Variants in MIER1 observed in about 807,000 individuals in gnomAD.
MIER1 encodes the protein MIER1 transcriptional regulator.
MIER1 carries 40 observed loss-of-function variants against 75.7 expected under a neutral mutation model. That is an observed-to-expected ratio of 0.53 (90% CI 0.41 to 0.69). The LOEUF is 0.69. Ranked by LOEUF, MIER1 falls within the 30% of genes least tolerant of loss-of-function variation. MIER1 has a pLI of 0.00. For synonymous variants in MIER1, 213 were observed against 223.4 expected (o/e 0.95, Z 0.42); for missense variants, 574 against 680.2 (o/e 0.84, Z 1.74).
chr1:66,980,502 C>T (rs566586492), intron 12 of MIER1, among the ~76,000 whole-genome samples: 1 of 152,232 alleles, frequency 6.6e-6, no homozygotes, highest in South Asian at 2.1e-4. Context: ...CAGTGATGAC[C>T]ATATAGGTTG....
chr1:66,959,375 A>C (rs184830447), intron 6 of MIER1, among the ~76,000 whole-genome samples: 1 of 152,322 alleles, frequency 6.6e-6, no homozygotes, highest in African/African-American at 2.4e-5. Flanking sequence ...AAACACTTGA[A>C]GAAAAATAAA....
intron 8 of MIER1, among the ~76,000 whole-genome samples, chr1:66,964,448 C>CTTTTTTTTTTTTTTTTTTTTTTTT (rs71058483): frequency 1.7e-5 from 2 of 119,800 alleles, no homozygotes; most frequent in African/African-American, 6.4e-5. Context: ...TGTATGTTTC[C>CTTTTTTTTTTTTTTTTTTTTTTTT]TTTTTTTTTT....
intron 11 of MIER1, among the ~76,000 whole-genome samples, chr1:66,975,347 CA>C (rs1664490104): frequency 6.6e-6 from 1 of 151,664 alleles, no homozygotes; most frequent in Non-Finnish European, 1.5e-5. Flanking sequence ...GGCAACATGG[CA>C]AAACCCCATC....
At chr1:66,938,759 T>C (rs1376835810) in intron 2 of MIER1, among the ~76,000 whole-genome samples, 1 of 152,086 alleles carries the variant, frequency 6.6e-6, no homozygotes, top group Non-Finnish European at 1.5e-5. Flanking sequence ...ATTGGAAATA[T>C]GCAATACTGG....
chr1:66,967,795 A>G (rs1200986541), intron 8 of MIER1, among the ~76,000 whole-genome samples: 1 of 152,048 alleles, frequency 6.6e-6, no homozygotes, highest in Non-Finnish European at 1.5e-5. Flanking sequence ...TTTCCTTTTC[A>G]GAATGTTGAC....
chr1:66,972,001 T>C (rs974243850), intron 10 of MIER1, among the ~76,000 whole-genome samples: 8 of 151,282 alleles, frequency 5.3e-5, no homozygotes, highest in Non-Finnish European at 7.4e-5. Context: ...TTTATAAATA[T>C]TTTCTTATTT....
intron 4 of MIER1, among the ~76,000 whole-genome samples, chr1:66,952,597 G>T (rs1210241299): frequency 6.6e-6 from 1 of 152,108 alleles, no homozygotes. Flanking sequence ...AGGGACTCAA[G>T]TGCCACCAGA....
intron 4 of MIER1, among the ~76,000 whole-genome samples, chr1:66,951,973 G>C (rs1659071964): frequency 6.6e-6 from 1 of 152,158 alleles, no homozygotes; most frequent in East Asian, 1.9e-4. Context: ...TGGGACTTAG[G>C]ATAGGTTACT....
At chr1:66,930,202 C>T in intron 2 of MIER1, 2 of 1,367,762 alleles carry the variant, frequency 1.5e-6, no homozygotes, top group Non-Finnish European at 1.9e-6. Context: ...CCAGCCGGGG[C>T]GCCGCGAGGG....
chr1:66,934,323 A>G (rs1333691155), intron 2 of MIER1, among the ~76,000 whole-genome samples: 3 of 152,056 alleles, frequency 2.0e-5, no homozygotes, highest in African/African-American at 7.2e-5. Context: ...AGGTCGTGCA[A>G]TTCATCTATG....
At chr1:66,925,245 C>T in intron 1 of MIER1, 150 bp downstream of exon 1, 2 of 1,354,534 alleles carry the variant, frequency 1.5e-6, no homozygotes, top group South Asian at 3.8e-5. Flanking sequence ...GAGGGGCTGC[C>T]GCAGAACGCG....
At chr1:66,959,026 A>G (rs377050098) in intron 6 of MIER1, 43 bp downstream of exon 6, 7 of 1,525,032 alleles carry the variant, frequency 4.6e-6, no homozygotes, top group African/African-American at 4.2e-5. Flanking sequence ...AATTTTTACT[A>G]TTTTAGGTAT....
At chr1:66,954,376 A>G (rs574813602) in intron 4 of MIER1, among the ~76,000 whole-genome samples, 7 of 152,358 alleles carry the variant, frequency 4.6e-5, no homozygotes, top group African/African-American at 7.2e-5. Flanking sequence ...AGGTAAAAAT[A>G]GTAATCCTGA....
At chr1:66,931,079 T>C (rs1395432009) in intron 2 of MIER1, among the ~76,000 whole-genome samples, 1 of 135,066 alleles carries the variant, frequency 7.4e-6, no homozygotes, top group Non-Finnish European at 1.6e-5. Flanking sequence ...CCTTTCCAAA[T>C]CAAGGCTACC....
At chr1:66,942,505 C>G (rs974131899) in intron 3 of MIER1, among the ~76,000 whole-genome samples, 1 of 152,030 alleles carries the variant, frequency 6.6e-6, no homozygotes, top group African/African-American at 2.4e-5. Context: ...GATTTCATGA[C>G]AAAGCAGTCA....
chr1:66,949,579 T>C (rs1307240464), intron 4 of MIER1, among the ~76,000 whole-genome samples: 1 of 152,212 alleles, frequency 6.6e-6, no homozygotes, highest in African/African-American at 2.4e-5. Context: ...AATTAAAGCT[T>C]TAAGTAGCAT....
chr1:66,960,569 T>G (rs1012267077), intron 7 of MIER1, among the ~76,000 whole-genome samples: 1 of 152,206 alleles, frequency 6.6e-6, no homozygotes, highest in Non-Finnish European at 1.5e-5. Context: ...TCCCAGCTAC[T>G]TGGGAGGCTG....
At chr1:66,949,354 A>C (rs573218019) in intron 4 of MIER1, among the ~76,000 whole-genome samples, 5 of 152,238 alleles carry the variant, frequency 3.3e-5, no homozygotes, top group African/African-American at 1.2e-4. Flanking sequence ...TGGTTATATC[A>C]TTGCCTTTTC....
chr1:66,985,095 AG>A lies in MIER1; in HGVS notation c.*198del. On this transcript the variant is annotated 3_prime_UTR_variant, in exon 14 of 14. Transcript: ENST00000401041. ...ACTTTAAAGCTGTCAGACTCTTTTA[AG>A]GGTATTTTAAAAATTAGTAAATTTG... is the stretch of plus-strand genomic sequence containing the variant. 1 of 1,273,720 alleles carries A rather than the reference AG, an allele frequency of 7.9e-7. No homozygotes were observed. The highest frequency in any genetic ancestry group is 1.0e-6 in the Non-Finnish European group (1 of 1,004,284). 78.9% of individuals were successfully genotyped at this position (1,273,720 alleles called of 1,614,324 possible).
Sources: allele counts gnomAD v4.1 joint callset (sites outside exome capture counted in the v4.1 genomes callset), GRCh38; gene constraint gnomAD v4.1.1; transcripts MANE v1.5; gene names NCBI Gene and HGNC (gene_info 2026-07-23, HGNC 2026-07-21).